The following COL12A1 variants were observed in gnomAD, a reference collection of about 807,000 sequenced individuals.
The protein encoded by COL12A1 is collagen alpha-1(XII) chain.
Under a neutral mutation model 349.7 loss-of-function variants are expected in COL12A1, and 114 were observed. The observed-to-expected ratio is 0.33, with a 90% CI of 0.28 to 0.38. The LOEUF is 0.38. COL12A1 is among the 10% of genes least tolerant of loss of function. The pLI is 1.00. For synonymous variants in COL12A1, 1,369 were observed against 1,329.0 expected, an observed-to-expected ratio of 1.03 and a Z score of -0.66; for missense variants, 3,284 against 3,756.9, an observed-to-expected ratio of 0.87 and a Z score of 3.29.
chr6:75,101,989 A>G lies in COL12A1; in HGVS notation c.8469+10T>C, dbSNP rs375332527. 8.7e-6 allele frequency: 14 copies of G among 1,614,026 alleles called. No individual in the cohort carries two copies. In the African/African-American group the frequency reaches 1.6e-4, roughly 18 times the overall value. ...TAGCACATGACAGGGCAACTTAGAGACCAACTCACTGTTCGGCCTGGAAGT... is the reference window on the plus strand; with the variant it reads ...TAGCACATGACAGGGCAACTTAGAGGCCAACTCACTGTTCGGCCTGGAAGT... On this transcript the variant is annotated intron_variant, in intron 57 of 65. Coordinates refer to ENST00000322507, the MANE Select transcript of COL12A1 (RefSeq NM_004370.6).
chr6:75,190,349 TCTAAAGTTTGCATTA>T (rs953375196), intron 5 of COL12A1, among the ~76,000 whole-genome samples: 1 of 151,906 alleles, frequency 6.6e-6, no homozygotes, highest in African/African-American at 2.4e-5. Flanking sequence ...AATATAATTG[TCTAAAGTTTGCATTA>T]GGGTTAGTCT....
At chr6:75,196,167 T>G (rs1162969093) in intron 2 of COL12A1, among the ~76,000 whole-genome samples, 1 of 152,210 alleles carries the variant, frequency 6.6e-6, no homozygotes, top group Non-Finnish European at 1.5e-5. Flanking sequence ...CAGTGCATGG[T>G]TGATGAATTA....
At chr6:75,126,316 A>G in intron 39 of COL12A1, 35 bp downstream of exon 39, 1 of 1,594,468 alleles carries the variant, frequency 6.3e-7, no homozygotes, top group Non-Finnish European at 8.6e-7. Context: ...ATAACCCTCC[A>G]AAGCATTTCT....
In COL12A1 at chr6:75,193,485, T is replaced by C. The variant is rs1770052717; in HGVS notation, c.191-1130A>G. Among the ~76,000 whole-genome samples the C allele has an allele frequency of 2.0e-5, 3 of 152,202 alleles. No homozygotes were observed. In the South Asian group the frequency reaches 6.2e-4, roughly 31 times the overall value. On this transcript the variant is annotated intron_variant, in intron 3 of 65. Coordinates refer to ENST00000322507, the MANE Select transcript of COL12A1 (RefSeq NM_004370.6). Reference sequence around the variant, plus strand: ...AACACAGTTCTAGTAATAAGTTGTGTTGACATCTTCCATCTCTACTGTCAG... The same window carrying C: ...AACACAGTTCTAGTAATAAGTTGTGCTGACATCTTCCATCTCTACTGTCAG...
In COL12A1 at chr6:75,090,031, C is replaced by A; in HGVS notation, c.8941+79G>T. 1.3e-6 allele frequency: 2 copies of A among 1,503,706 alleles called. No individual in the cohort carries two copies. The highest frequency in any genetic ancestry group is 2.4e-4 in the Middle Eastern group (1 of 4,128). 93.1% of individuals were successfully genotyped at this position (1,503,706 alleles called of 1,614,324 possible). A position where few individuals can be genotyped will look rare whatever the true frequency, so the allele number is the denominator to read the frequency against. ...AAAGCAGTTTGCCTAGGTCACCTTTCAGATGCCTTCAACCTGTCCCAACTC... is the reference window on the plus strand; with the variant it reads ...AAAGCAGTTTGCCTAGGTCACCTTTAAGATGCCTTCAACCTGTCCCAACTC... On this transcript the variant is annotated intron_variant, in intron 63 of 65. Coordinates refer to ENST00000322507, the MANE Select transcript of COL12A1 (RefSeq NM_004370.6). The surrounding 1 kb of genome is among the most constrained non-coding windows in gnomAD (Gnocchi z 4.1).
At chr6:75,124,444 T>C in intron 40 of COL12A1, 73 bp from the exon 41 acceptor site, 1 of 1,108,528 alleles carries the variant, frequency 9.0e-7, no homozygotes, top group South Asian at 1.7e-5. Context: ...CATAACACAA[T>C]TTTCAAACTT....
rs377285294 is a variant in COL12A1, at chr6:75,183,926, C to A, written c.1216G>T (p.Ala406Ser). 1.2e-6 allele frequency: 2 copies of A among 1,614,148 alleles called. No homozygotes were observed. The highest frequency in any genetic ancestry group is 1.3e-5 in the African/African-American group (1 of 75,030). ...ADTEYQISVS[A>S]MKGMTSSEPI... ...TCACTGGATGTCATTCCCTTCATGG[C>A]GGAAACACTGATCTGGTATTCTGTG... Residue 406 changes from alanine to serine, a missense_variant, in exon 9 of 66, where the codon GCC (alanine) becomes TCC (serine). By Grantham distance (99) the Ala-to-Ser change is moderately conservative. Around this residue, in one of 2 missense-constraint regions of COL12A1, gnomAD observed 2,601 missense variants for 2,824.8 expected, o/e 0.92. Coordinates refer to ENST00000322507, the MANE Select transcript of COL12A1 (RefSeq NM_004370.6).
In COL12A1 at chr6:75,160,694, A is replaced by C. The variant is rs563872636; in HGVS notation, c.2984-4171T>G. 5.3e-5 allele frequency among the ~76,000 whole-genome samples: 8 copies of C among 152,278 alleles called. No homozygotes were observed. In the South Asian group the frequency reaches 1.7e-3, roughly 32 times the overall value. On this transcript the variant is annotated intron_variant, in intron 14 of 65. Transcript: ENST00000322507. ...CTCACATGCTCAAGTTCCTGATATAAAATGGCATAGTATTTGCATAAACCT... is the reference window on the plus strand; with the variant it reads ...CTCACATGCTCAAGTTCCTGATATACAATGGCATAGTATTTGCATAAACCT...
chr6:75,121,858 CTT>C (rs60234784), intron 43 of COL12A1, among the ~76,000 whole-genome samples: 26 of 134,384 alleles, frequency 1.9e-4, no homozygotes, highest in East Asian at 2.1e-4. Context: ...CAAATAAGTC[CTT>C]TTTTTTTTTT....
At chr6:75,182,669 G>A (rs528490737) in intron 10 of COL12A1, among the ~76,000 whole-genome samples, 2 of 152,320 alleles carry the variant, frequency 1.3e-5, no homozygotes, top group South Asian at 4.1e-4. Context: ...AAAGGTGCAA[G>A]ACTATATTCT....
intron 61 of COL12A1, 23 bp downstream of exon 61, chr6:75,091,467 T>A (rs1160095265): frequency 6.2e-7 from 1 of 1,612,868 alleles, no homozygotes; most frequent in South Asian, 1.1e-5. Flanking sequence ...AAAATAAACG[T>A]AAGATTTTTT....
At chr6:75,141,564 T>G (rs945839087) in intron 27 of COL12A1, among the ~76,000 whole-genome samples, 8 of 152,214 alleles carry the variant, frequency 5.3e-5, no homozygotes, top group Non-Finnish European at 5.9e-5. Flanking sequence ...CATGATCCCA[T>G]GTATTCTCAG....
intron 8 of COL12A1, among the ~76,000 whole-genome samples, chr6:75,184,490 A>G (rs1244027230): frequency 2.0e-5 from 3 of 152,240 alleles, no homozygotes; most frequent in Non-Finnish European, 4.4e-5. Flanking sequence ...CAAAGTAGGC[A>G]CTTGATAAAT....
chr6:75,089,875 C>T (rs1363095010), intron 63 of COL12A1, among the ~76,000 whole-genome samples: 2 of 152,082 alleles, frequency 1.3e-5, no homozygotes, highest in Admixed American at 1.3e-4. Context: ...CCATTAAAAA[C>T]AACAAAAGTC....
chr6:75,173,789 C>A (rs1039859271), intron 13 of COL12A1, among the ~76,000 whole-genome samples: 3 of 152,180 alleles, frequency 2.0e-5, no homozygotes, highest in Non-Finnish European at 2.9e-5. Flanking sequence ...ATATCTACAA[C>A]CTTCCAAGCT....
At chr6:75,139,227 A>C (rs931572999) in intron 27 of COL12A1, among the ~76,000 whole-genome samples, 3 of 152,120 alleles carry the variant, frequency 2.0e-5, no homozygotes, top group Non-Finnish European at 4.4e-5. Context: ...TTAAGAATCA[A>C]ATCAACACTA....
chr6:75,161,298 A>C (rs116625935), intron 14 of COL12A1, among the ~76,000 whole-genome samples: 264 of 152,272 alleles, frequency 1.7e-3, no homozygotes, highest in African/African-American at 6.1e-3. Flanking sequence ...ACTTTAAATC[A>C]TCTCTGCATT....
At chr6:75,185,824 C>A (rs1201328427) in intron 8 of COL12A1, among the ~76,000 whole-genome samples, 1 of 152,128 alleles carries the variant, frequency 6.6e-6, no homozygotes, top group East Asian at 1.9e-4. Flanking sequence ...ACACCTACAA[C>A]CATCTGATCT....
At chr6:75,170,074 T>A (rs1768545192) in intron 13 of COL12A1, among the ~76,000 whole-genome samples, 1 of 152,208 alleles carries the variant, frequency 6.6e-6, no homozygotes, top group Non-Finnish European at 1.5e-5. Flanking sequence ...GCCAAAGAAC[T>A]AATGCCTCAT....
Sources: allele counts gnomAD v4.1 joint callset (sites outside exome capture counted in the v4.1 genomes callset), GRCh38; gene constraint gnomAD v4.1.1; regional missense constraint gnomAD v4.1.1; non-coding constraint Gnocchi (gnomAD v3.1); transcripts MANE v1.5; gene names NCBI Gene and HGNC (gene_info 2026-07-23, HGNC 2026-07-21).